PPTC7: variants seen among roughly 807,000 people sequenced by gnomAD.
PPTC7 encodes the protein protein phosphatase targeting COQ7, also known as protein phosphatase PTC7 homolog.
Under a neutral mutation model 30.8 loss-of-function variants are expected in PPTC7, and 6 were observed. The observed-to-expected ratio is 0.19, with a 90% CI of 0.11 to 0.38. The LOEUF (loss-of-function observed/expected upper bound fraction) is 0.38, where lower values mean the gene tolerates loss of function less well. Among genes scored for constraint, PPTC7 ranks in the 10% least tolerant of loss-of-function variants. The pLI is 1.00. For synonymous variants in PPTC7, 163 were observed against 168.1 expected (o/e 0.97, Z 0.23); for missense variants, 218 against 404.8 (o/e 0.54, Z 3.96).
intron 1 of PPTC7, among the ~76,000 whole-genome samples, chr12:110,568,819 C>T (rs1409132053): frequency 6.6e-6 from 1 of 152,166 alleles, no homozygotes; most frequent in African/African-American, 2.4e-5. Context: ...TTCCCTGGGT[C>T]AGAACTCGCT....
At chr12:110,559,765 C>T (rs1439726018) in intron 1 of PPTC7, among the ~76,000 whole-genome samples, 1 of 151,240 alleles carries the variant, frequency 6.6e-6, no homozygotes, top group Non-Finnish European at 1.5e-5. Flanking sequence ...TGGGGTCTCA[C>T]TCTGTCACCC....
At position 110,535,926 on chromosome 12, in the gene PPTC7, T is replaced by C. The variant is rs1013831565; in HGVS notation, c.*1111A>G. ...ACCCCTAAATTTCCATGTGGGGTAA[T>C]TGTAAATGTCAGATCATCACTGGGA... On this transcript the variant is annotated 3_prime_UTR_variant, in exon 6 of 6. Transcript: ENST00000354300. 33 of 152,628 alleles carry C rather than the reference T, an allele frequency of 2.2e-4. No individual in the cohort carries two copies. The highest frequency in any genetic ancestry group is 6.3e-4 in the African/African-American group (26 of 41,434). The allele number at this position is 152,628 out of a possible 1,614,324, so 9.5% of individuals were successfully genotyped here. A position where few individuals can be genotyped will look rare whatever the true frequency, so the allele number is the denominator to read the frequency against.
chr12:110,577,256 G>C (rs573846309), intron 1 of PPTC7, among the ~76,000 whole-genome samples: 12 of 150,498 alleles, frequency 8.0e-5, no homozygotes, highest in Non-Finnish European at 1.6e-4. Context: ...GAAAATTATG[G>C]CATGTCCTGC....
chr12:110,565,587 T>C (rs1235270160), intron 1 of PPTC7, among the ~76,000 whole-genome samples: 1 of 152,224 alleles, frequency 6.6e-6, no homozygotes. Context: ...ATGAGTAATG[T>C]TACTTTCATG....
intron 1 of PPTC7, among the ~76,000 whole-genome samples, chr12:110,578,910 C>G (rs1381128302): frequency 1.3e-5 from 2 of 152,160 alleles, no homozygotes; most frequent in Non-Finnish European, 2.9e-5. Context: ...CTTTGGGAGG[C>G]TGAGGCAGGT....
At chr12:110,575,473 G>C (rs753367814) in intron 1 of PPTC7, among the ~76,000 whole-genome samples, 33 of 151,914 alleles carry the variant, frequency 2.2e-4, no homozygotes, top group Non-Finnish European at 3.5e-4. Context: ...ACCCGGTGTA[G>C]TGCTTCTGGT....
intron 2 of PPTC7, among the ~76,000 whole-genome samples, chr12:110,549,673 T>A (rs1312720925): frequency 1.3e-5 from 2 of 152,080 alleles, no homozygotes; most frequent in African/African-American, 4.8e-5. Flanking sequence ...CCCAGTTACA[T>A]GAGGGTGAAC....
intron 1 of PPTC7, among the ~76,000 whole-genome samples, chr12:110,572,044 GT>G (rs2064541035): frequency 6.6e-6 from 1 of 152,058 alleles, no homozygotes. Context: ...AGCACTTTTT[GT>G]TTGCCTCATT....
chr12:110,558,807 C>T lies in PPTC7; in HGVS notation c.224-6839G>A, dbSNP rs548017091. ...ATTTTTAGTAGAGACGGGGTTTCACCGTGTTGGCCAGGATGTTCTCAAACT... is the reference window on the plus strand; with the variant it reads ...ATTTTTAGTAGAGACGGGGTTTCACTGTGTTGGCCAGGATGTTCTCAAACT... On this transcript the variant is annotated intron_variant, in intron 1 of 5. Transcript: ENST00000354300. Among the ~76,000 whole-genome samples, 314 of 152,236 alleles carry T rather than the reference C, an allele frequency of 2.1e-3. 2 individuals are homozygous for T. Among genetic ancestry groups the T allele is most frequent in the Middle Eastern group, 3.4e-3 (1 of 294 alleles).
Position 110,539,807 on chromosome 12 carries a change from C to A in PPTC7, c.726+15G>T, listed in dbSNP as rs1377405212. 3.7e-6 allele frequency: 6 copies of A among 1,612,714 alleles called. No individual in the cohort carries two copies. In the African/African-American group the frequency reaches 8.0e-5, roughly 22 times the overall value. ...AGGGCCACTTTTCCCAAGAGCTAAC[C>A]TTTGAGTTAATTACCTTTAACTTTT... On this transcript the variant is annotated intron_variant, in intron 4 of 5. Coordinates refer to ENST00000354300, the MANE Select transcript of PPTC7 (RefSeq NM_139283.2).
At chr12:110,563,370 A>G (rs918878950) in intron 1 of PPTC7, among the ~76,000 whole-genome samples, 30 of 152,058 alleles carry the variant, frequency 2.0e-4, no homozygotes, top group African/African-American at 7.2e-4. Flanking sequence ...TAATCCCAGC[A>G]CTTTGGGAGG....
At chr12:110,557,699 G>T (rs2064401726) in intron 1 of PPTC7, among the ~76,000 whole-genome samples, 1 of 152,196 alleles carries the variant, frequency 6.6e-6, no homozygotes, top group Admixed American at 6.5e-5. Flanking sequence ...TTATTGTTAG[G>T]TAATGTGGGT....
rs1371338136 is a variant in PPTC7, at chr12:110,535,614, GT to G, written c.*1422del. 6.6e-6 allele frequency: 1 copy of G among 152,420 alleles called. No individual in the cohort carries two copies. The highest frequency in any genetic ancestry group is 1.5e-5 in the Non-Finnish European group (1 of 68,012). The allele number at this position is 152,420 out of a possible 1,614,324, so 9.4% of individuals were successfully genotyped here. A position where few individuals can be genotyped will look rare whatever the true frequency, so the allele number is the denominator to read the frequency against. On this transcript the variant is annotated 3_prime_UTR_variant, in exon 6 of 6. Transcript: ENST00000354300. ...ATATTCTCAAGTAGATTCTCATCAG[GT>G]TTAATTGCATTCTCATCTATACACC... is the stretch of plus-strand genomic sequence containing the variant.
chr12:110,540,319 G>C (rs61322986), intron 3 of PPTC7, among the ~76,000 whole-genome samples: 11,411 of 101,934 alleles, frequency 0.11, 844 homozygotes, highest in African/African-American at 0.21. Context: ...ATCCCCCCCC[G>C]CCTTTTTTTT....
chr12:110,581,131 CAG>C (rs1388413610), intron 1 of PPTC7, among the ~76,000 whole-genome samples: 2 of 152,096 alleles, frequency 1.3e-5, no homozygotes, highest in African/African-American at 2.4e-5. Flanking sequence ...AGAAGCAACA[CAG>C]GGGCCAGGCT....
At chr12:110,553,916 C>T (rs2064367478) in intron 1 of PPTC7, among the ~76,000 whole-genome samples, 1 of 152,168 alleles carries the variant, frequency 6.6e-6, no homozygotes, top group Non-Finnish European at 1.5e-5. Context: ...TGCTGGAGTA[C>T]AGTGGCGTGA....
chr12:110,553,102 G>A (rs1453892234), intron 1 of PPTC7, among the ~76,000 whole-genome samples: 2 of 151,758 alleles, frequency 1.3e-5, no homozygotes, highest in South Asian at 2.1e-4. Context: ...AGAATTGCTT[G>A]AACCTGGGAA....
chr12:110,580,951 C>A (rs1324754817), intron 1 of PPTC7, among the ~76,000 whole-genome samples: 1 of 151,838 alleles, frequency 6.6e-6, no homozygotes, highest in Non-Finnish European at 1.5e-5. Context: ...TGGGTTTCAC[C>A]ATATTGGTCA....
chr12:110,580,100 G>C (rs1031828366), intron 1 of PPTC7, among the ~76,000 whole-genome samples: 16 of 151,886 alleles, frequency 1.1e-4, no homozygotes, highest in Non-Finnish European at 1.0e-4. Flanking sequence ...CTAAGGGTCA[G>C]ATCGTCCATT....
Sources: gnomAD v4.1 joint callset for allele counts (sites outside exome capture counted in the v4.1 genomes callset) on GRCh38, gnomAD v4.1.1 for gene constraint, MANE v1.5 for transcripts, NCBI Gene and HGNC (gene_info 2026-07-23, HGNC 2026-07-21) for gene names.